CHRM3: variants seen among roughly 807,000 people sequenced by gnomAD.
CHRM3 encodes the protein muscarinic acetylcholine receptor M3.
A neutral mutation model predicts 41.8 loss-of-function variants in CHRM3; 11 were observed. The observed-to-expected ratio is 0.26, with a 90% CI of 0.17 to 0.44. The LOEUF (loss-of-function observed/expected upper bound fraction) is 0.44, where lower values mean the gene tolerates loss of function less well. Ranked by LOEUF, CHRM3 falls within the 20% of genes least tolerant of loss-of-function variation. CHRM3 has a pLI of 1.00. For missense variants in CHRM3, 571 were observed against 745.4 expected (o/e 0.77, Z 2.72); for synonymous variants, 297 against 301.4 (o/e 0.99, Z 0.15).
At chr1:239,519,738 G>GTTTTT (rs1553317084) in intron 2 of CHRM3, among the ~76,000 whole-genome samples, 5 of 98,978 alleles carry the variant, frequency 5.1e-5, no homozygotes, top group South Asian at 7.2e-4. Flanking sequence ...TTAAAAACTA[G>GTTTTT]TTCTTTTTTT....
chr1:239,808,000 A>G (rs144969994), intron 5 of CHRM3, among the ~76,000 whole-genome samples: 1 of 152,198 alleles, frequency 6.6e-6, no homozygotes, highest in Non-Finnish European at 1.5e-5. Flanking sequence ...AATATTCATT[A>G]GTTATATAAA....
intron 5 of CHRM3, among the ~76,000 whole-genome samples, chr1:239,783,068 G>GT (rs1668624826): frequency 6.6e-6 from 1 of 151,826 alleles, no homozygotes; most frequent in South Asian, 2.1e-4. Flanking sequence ...TGAGAAGAAT[G>GT]TATACTCTAA....
chr1:239,708,866 A>G (rs190117348), intron 5 of CHRM3, among the ~76,000 whole-genome samples: 3 of 147,504 alleles, frequency 2.0e-5, no homozygotes, highest in East Asian at 4.0e-4. Context: ...CTCAGTCACC[A>G]TGATTCAAAT....
intron 5 of CHRM3, among the ~76,000 whole-genome samples, chr1:239,744,708 T>C (rs1665193344): frequency 1.3e-5 from 2 of 151,998 alleles, no homozygotes; most frequent in Admixed American, 1.3e-4. Context: ...CACGGGGAGA[T>C]GTTGAGGAGG....
intron 5 of CHRM3, among the ~76,000 whole-genome samples, chr1:239,700,054 A>G (rs1660543075): frequency 6.6e-6 from 1 of 152,260 alleles, no homozygotes; most frequent in Non-Finnish European, 1.5e-5. Flanking sequence ...ATGCCTTCAG[A>G]TATTTAATTA....
intron 5 of CHRM3, chr1:239,718,932 C>T: frequency 6.6e-6 from 1 of 151,872 alleles, no homozygotes; most frequent in South Asian, 2.1e-4. Flanking sequence ...ACTTAATGTA[C>T]AGAGTTGAAA....
intron 4 of CHRM3, among the ~76,000 whole-genome samples, chr1:239,639,161 C>G (rs981298593): frequency 6.6e-6 from 1 of 152,084 alleles, no homozygotes; most frequent in African/African-American, 2.4e-5. Flanking sequence ...GTTTTGGTTA[C>G]TGTAGCCTTG....
chr1:239,391,382 C>G (rs185756806), intron 1 of CHRM3, among the ~76,000 whole-genome samples: 1 of 152,222 alleles, frequency 6.6e-6, no homozygotes, highest in African/African-American at 2.4e-5. Context: ...CCCCTCAGTA[C>G]ACCATGATGG....
At chr1:239,691,565 T>A (rs1415645235) in intron 5 of CHRM3, among the ~76,000 whole-genome samples, 2 of 152,298 alleles carry the variant, frequency 1.3e-5, no homozygotes, top group South Asian at 2.1e-4. Flanking sequence ...GAAGACAGAT[T>A]AGAATTATAT....
At chr1:239,479,642 T>C (rs1666698261) in intron 1 of CHRM3, among the ~76,000 whole-genome samples, 1 of 152,232 alleles carries the variant, frequency 6.6e-6, no homozygotes, top group Non-Finnish European at 1.5e-5. Flanking sequence ...TGTTATAGCC[T>C]ATTGCTCCTA....
At chr1:239,537,322 C>T (rs996931637) in intron 2 of CHRM3, among the ~76,000 whole-genome samples, 2 of 152,126 alleles carry the variant, frequency 1.3e-5, no homozygotes, top group African/African-American at 2.4e-5. Flanking sequence ...ATAGCACTGG[C>T]ATCTGCTTGA....
At chr1:239,858,915 A>G (rs530943118) in intron 6 of CHRM3, among the ~76,000 whole-genome samples, 2 of 152,300 alleles carry the variant, frequency 1.3e-5, no homozygotes, top group South Asian at 4.1e-4. Context: ...AGATCCATCC[A>G]CCTTGTACCA....
chr1:239,747,307 A>G (rs772424232), intron 5 of CHRM3, among the ~76,000 whole-genome samples: 3 of 152,202 alleles, frequency 2.0e-5, no homozygotes, highest in Non-Finnish European at 2.9e-5. Context: ...TGATTAGGGA[A>G]TGGTAAACAA....
In CHRM3 at chr1:239,663,739, G is replaced by A. The variant is rs566427204; in HGVS notation, c.-249-14447G>A. Among the ~76,000 whole-genome samples, 19 of 152,294 alleles carry A rather than the reference G, an allele frequency of 1.2e-4. No homozygotes were observed. In the South Asian group the frequency reaches 3.3e-3, roughly 27 times the overall value. Reference sequence around the variant, plus strand: ...TTTTGCACTTCGTTAATTGTAGAATGCGCTTACCATTTTCACTATTCCTTT... The same window carrying A: ...TTTTGCACTTCGTTAATTGTAGAATACGCTTACCATTTTCACTATTCCTTT... On this transcript the variant is annotated intron_variant, in intron 4 of 6. Transcript: ENST00000676153.
intron 5 of CHRM3, among the ~76,000 whole-genome samples, chr1:239,690,063 A>AG (rs1553365300): frequency 1.2e-4 from 18 of 150,662 alleles, no homozygotes; most frequent in Non-Finnish European, 1.8e-4. Context: ...AGAGAGAGAG[A>AG]GAGACAGAGA....
intron 5 of CHRM3, among the ~76,000 whole-genome samples, chr1:239,752,452 T>C (rs1303499124): frequency 6.6e-6 from 1 of 152,212 alleles, no homozygotes. Context: ...AGTTTCTAGT[T>C]TTGATTTTTT....
chr1:239,646,639 G>T (rs914878379), intron 4 of CHRM3, among the ~76,000 whole-genome samples: 2 of 152,146 alleles, frequency 1.3e-5, no homozygotes, highest in African/African-American at 4.8e-5. Flanking sequence ...AGAGGGCACT[G>T]CAAGGGATCA....
At chr1:239,432,086 C>T (rs922579756) in intron 1 of CHRM3, among the ~76,000 whole-genome samples, 4 of 152,024 alleles carry the variant, frequency 2.6e-5, no homozygotes, top group South Asian at 4.2e-4. Context: ...CGATGGATCA[C>T]GCCAAAATGG....
chr1:239,595,752 A>G (rs1369885742), intron 3 of CHRM3, among the ~76,000 whole-genome samples: 1 of 152,194 alleles, frequency 6.6e-6, no homozygotes, highest in East Asian at 1.9e-4. Context: ...CATTTGCTCC[A>G]GTGTTGGTGA....
Sources: allele counts gnomAD v4.1 joint callset (sites outside exome capture counted in the v4.1 genomes callset), GRCh38; gene constraint gnomAD v4.1.1; transcripts MANE v1.5; gene names NCBI Gene and HGNC (gene_info 2026-07-23, HGNC 2026-07-21).